MARCHF1: variants seen among roughly 807,000 people sequenced by gnomAD.
MARCHF1 encodes E3 ubiquitin-protein ligase MARCHF1.
MARCHF1 carries 40 observed loss-of-function variants against 54.2 expected under a neutral mutation model. The ratio of observed to expected loss-of-function variants is 0.74; its 90% confidence interval spans 0.57 to 0.96. The LOEUF (loss-of-function observed/expected upper bound fraction) is 0.96. Ranked by LOEUF, MARCHF1 falls within the 40% of genes least tolerant of loss-of-function variation. The pLI, the probability that MARCHF1 is intolerant of heterozygous loss-of-function variation, is 0.00. For missense variants in MARCHF1, 586 were observed against 656.5 expected, an observed-to-expected ratio of 0.89 and a Z score of 1.17; for synonymous variants, 236 against 236.3, an observed-to-expected ratio of 1.00 and a Z score of 0.01.
chr4:164,157,421 C>G (rs1424493320), intron 1 of MARCHF1, among the ~76,000 whole-genome samples: 1 of 152,110 alleles, frequency 6.6e-6, no homozygotes, highest in African/African-American at 2.4e-5. Context: ...GCATATTGCT[C>G]TGTGTTCAAA....
chr4:164,091,434 A>ATATATATATATATATATATATAT (rs56887424), intron 2 of MARCHF1, among the ~76,000 whole-genome samples: 7 of 147,060 alleles, frequency 4.8e-5, no homozygotes, highest in East Asian at 2.0e-4. Context: ...ATATATGTAT[A>ATATATATATATATATATATATAT]AAATGAATTG....
intron 4 of MARCHF1, among the ~76,000 whole-genome samples, chr4:163,803,216 C>G (rs1448043647): frequency 6.6e-6 from 1 of 151,792 alleles, no homozygotes; most frequent in Non-Finnish European, 1.5e-5. Flanking sequence ...TCTTTTTGTC[C>G]AGTCTGGAGT....
At chr4:164,132,475 C>T (rs1200980971) in intron 1 of MARCHF1, among the ~76,000 whole-genome samples, 1 of 152,090 alleles carries the variant, frequency 6.6e-6, no homozygotes, top group Admixed American at 6.6e-5. Context: ...CTTCATATTG[C>T]ATTACCTCAA....
chr4:164,105,840 G>T, intron 2 of MARCHF1, among the ~76,000 whole-genome samples: 1 of 144,332 alleles, frequency 6.9e-6, no homozygotes. Context: ...CCTACAATAT[G>T]GGAGAAAATT....
intron 2 of MARCHF1, among the ~76,000 whole-genome samples, chr4:164,085,707 T>C (rs183900601): frequency 1.2e-3 from 185 of 151,976 alleles, no homozygotes; most frequent in African/African-American, 4.3e-3. Context: ...CTTAAGTACT[T>C]AAAGAGAAGT....
Position 164,307,336 on chromosome 4 carries a change from A to G in MARCHF1, c.-323+76534T>C, listed in dbSNP as rs139439461. Among the ~76,000 whole-genome samples the G allele has an allele frequency of 1.6e-3, 245 of 152,364 alleles. 1 individual carries two copies. The highest frequency in any genetic ancestry group is 3.3e-3 in the Admixed American group (50 of 15,298). ...GGAGTAGCCAAATCATTTCTGATGC[A>G]TTAAAGAGGATGGAGCTGCTGGAAC... On this transcript the variant is annotated intron_variant, in intron 1 of 9. Transcript: ENST00000514618.
chr4:163,738,152 A>T (rs1027361748), intron 4 of MARCHF1, among the ~76,000 whole-genome samples: 3 of 152,180 alleles, frequency 2.0e-5, no homozygotes, highest in African/African-American at 7.2e-5. Flanking sequence ...TTGCTTCAGA[A>T]GGGGCTAGAG....
At chr4:163,901,841 C>T (rs867876632) in intron 3 of MARCHF1, among the ~76,000 whole-genome samples, 1 of 152,178 alleles carries the variant, frequency 6.6e-6, no homozygotes, top group South Asian at 2.1e-4. Flanking sequence ...AACAACGGTA[C>T]AAATGTGGCT....
Position 164,302,704 on chromosome 4 carries a change from C to A in MARCHF1, c.-323+81166G>T, listed in dbSNP as rs928202865. Among the ~76,000 whole-genome samples, 4 of 151,364 alleles carry A rather than the reference C, an allele frequency of 2.6e-5. No homozygotes were observed. In the East Asian group the frequency reaches 5.8e-4, roughly 22 times the overall value. On this transcript the variant is annotated intron_variant, in intron 1 of 9. Coordinates refer to ENST00000514618, the MANE Select transcript of MARCHF1 (RefSeq NM_001394959.1). ...ATAAACCTGGCAAACATGGCAAAACCCCATCTCTACAAAAATTAGCTGGGC... is the reference window on the plus strand; with the variant it reads ...ATAAACCTGGCAAACATGGCAAAACACCATCTCTACAAAAATTAGCTGGGC...
chr4:164,118,542 C>T (rs896239176), intron 1 of MARCHF1, among the ~76,000 whole-genome samples: 2 of 150,880 alleles, frequency 1.3e-5, no homozygotes, highest in Admixed American at 6.6e-5. Flanking sequence ...TAATATAATA[C>T]ACCCATTTAA....
At chr4:164,079,030 G>A (rs1161137825) in intron 2 of MARCHF1, among the ~76,000 whole-genome samples, 2 of 152,036 alleles carry the variant, frequency 1.3e-5, no homozygotes, top group Non-Finnish European at 2.9e-5. Flanking sequence ...ACTTTACTTT[G>A]CATTTTCTTA....
intron 1 of MARCHF1, among the ~76,000 whole-genome samples, chr4:164,308,860 C>A (rs1579708427): frequency 6.6e-6 from 1 of 151,424 alleles, no homozygotes; most frequent in Non-Finnish European, 1.5e-5. Context: ...GAGTACAAGG[C>A]TTAGTGCCTG....
intron 3 of MARCHF1, among the ~76,000 whole-genome samples, chr4:163,947,755 C>G (rs1752052618): frequency 6.6e-6 from 1 of 152,158 alleles, no homozygotes; most frequent in Admixed American, 6.5e-5. Flanking sequence ...AGTAGCGTAG[C>G]TTATATTGTC....
At chr4:163,873,307 C>A (rs1269892869) in intron 3 of MARCHF1, among the ~76,000 whole-genome samples, 1 of 152,148 alleles carries the variant, frequency 6.6e-6, no homozygotes, top group Non-Finnish European at 1.5e-5. Context: ...TTTAAGTATT[C>A]AAAATGGAAA....
intron 9 of MARCHF1, among the ~76,000 whole-genome samples, chr4:163,537,748 C>CTT (rs1738587957): frequency 1.3e-5 from 2 of 152,224 alleles, no homozygotes; most frequent in Non-Finnish European, 2.9e-5. Flanking sequence ...TAGAAAGCTA[C>CTT]TGTAGTCTCT....
intron 1 of MARCHF1, among the ~76,000 whole-genome samples, chr4:164,221,063 A>G (rs1732097620): frequency 1.3e-5 from 2 of 152,014 alleles, no homozygotes. Context: ...CCTTCAAAAT[A>G]TGTATCCCAT....
At chr4:164,046,572 C>G (rs377526807) in intron 2 of MARCHF1, among the ~76,000 whole-genome samples, 1 of 152,284 alleles carries the variant, frequency 6.6e-6, no homozygotes, top group East Asian at 1.9e-4. Flanking sequence ...AATGCTTAAT[C>G]TGTCTTTTCT....
Position 164,233,027 on chromosome 4 carries a change from C to A in MARCHF1, c.-322-121365G>T, listed in dbSNP as rs115261947. Among the ~76,000 whole-genome samples the A allele has an allele frequency of 3.2e-3, 486 of 152,250 alleles. 2 individuals carry two copies. Among genetic ancestry groups the A allele is most frequent in the African/African-American group, 0.011 (465 of 41,540 alleles). ...CTTCCCCTGGACACCCATCTGCAGGCTCAGCTCTGTTTTAGAAGTAATTTC... is the reference window on the plus strand; with the variant it reads ...CTTCCCCTGGACACCCATCTGCAGGATCAGCTCTGTTTTAGAAGTAATTTC... On this transcript the variant is annotated intron_variant, in intron 1 of 9. Transcript: ENST00000514618.
At chr4:163,966,142 A>C (rs1222052387) in intron 3 of MARCHF1, among the ~76,000 whole-genome samples, 3 of 152,096 alleles carry the variant, frequency 2.0e-5, no homozygotes, top group Non-Finnish European at 2.9e-5. Context: ...TTATACTAAA[A>C]TGTGCTATAT....
Sources: gnomAD v4.1 joint callset for allele counts (sites outside exome capture counted in the v4.1 genomes callset) on GRCh38, gnomAD v4.1.1 for gene constraint, MANE v1.5 for transcripts, NCBI Gene and HGNC (gene_info 2026-07-23, HGNC 2026-07-21) for gene names.